ART3: variants seen among roughly 807,000 people sequenced by gnomAD.
ART3 encodes ecto-ADP-ribosyltransferase 3.
ART3 carries 49 observed loss-of-function variants against 48.5 expected under a neutral mutation model. That is an observed-to-expected ratio of 1.01 (90% CI 0.80 to 1.28). The LOEUF is 1.28. Ranked by LOEUF, ART3 falls within the 50% of genes most tolerant of loss-of-function variation. The pLI is 0.00. For missense variants in ART3, 438 were observed against 454.3 expected (o/e 0.96, Z 0.33); for synonymous variants, 145 against 157.2 (o/e 0.92, Z 0.58).
intron 1 of ART3, among the ~76,000 whole-genome samples, chr4:76,067,281 G>A (rs1719834130): frequency 6.6e-6 from 1 of 152,234 alleles, no homozygotes; most frequent in Admixed American, 6.5e-5. Context: ...CTTAGGGAAG[G>A]TAACTGGGGT....
chr4:76,109,735 G>C (rs1487447060), intron 11 of ART3, among the ~76,000 whole-genome samples: 1 of 152,116 alleles, frequency 6.6e-6, no homozygotes, highest in Admixed American at 6.6e-5. Context: ...TGGGATCTCT[G>C]TCATACATGT....
At chr4:76,032,342 G>T (rs990990143) in intron 1 of ART3, among the ~76,000 whole-genome samples, 1 of 151,630 alleles carries the variant, frequency 6.6e-6, no homozygotes, top group Admixed American at 6.6e-5. Flanking sequence ...AAGTAGCTGA[G>T]GTTACAGGCA....
intron 9 of ART3, among the ~76,000 whole-genome samples, 189 bp downstream of exon 9, chr4:76,104,158 C>G (rs1727958206): frequency 6.6e-6 from 1 of 152,132 alleles, no homozygotes; most frequent in Non-Finnish European, 1.5e-5. Context: ...TTCATGTGCT[C>G]CTGGAGCATT....
intron 3 of ART3, among the ~76,000 whole-genome samples, chr4:76,086,153 C>T (rs961567383): frequency 4.0e-5 from 6 of 151,688 alleles, no homozygotes; most frequent in African/African-American, 7.3e-5. Flanking sequence ...TTGAAATCAC[C>T]GCCTCATAAA....
At chr4:76,072,853 A>G (rs1720466056), upstream of ART3, among the ~76,000 whole-genome samples, 1 of 152,120 alleles carries the variant, frequency 6.6e-6, no homozygotes, top group Non-Finnish European at 1.5e-5. Flanking sequence ...GGGCTTTAGT[A>G]CGTGCTGTTC....
chr4:76,029,223 C>A (rs1733667674), intron 1 of ART3, among the ~76,000 whole-genome samples: 3 of 152,218 alleles, frequency 2.0e-5, no homozygotes, highest in South Asian at 4.2e-4. Context: ...TTTAGATTAT[C>A]ATTCAGTTTT....
intron 1 of ART3, among the ~76,000 whole-genome samples, chr4:76,029,180 T>C (rs1415357918): frequency 1.3e-5 from 2 of 152,254 alleles, no homozygotes; most frequent in Middle Eastern, 3.2e-3. Context: ...TCTTGAGATA[T>C]GATATAGTTC....
chr4:76,103,895 GATAAC>G (rs1308791314), intron 8 of ART3, 37 bp from the exon 9 acceptor site: 1 of 1,538,752 alleles, frequency 6.5e-7, no homozygotes, highest in South Asian at 1.1e-5. Context: ...AACAGTATAA[GATAAC>G]TGATTAATAC....
upstream of ART3, among the ~76,000 whole-genome samples, chr4:76,073,480 A>G (rs6532168): frequency 0.21 from 31,390 of 152,140 alleles, 5,522 homozygotes; most frequent in African/African-American, 0.48. Flanking sequence ...AGGTTGGAAC[A>G]TATCTCTATT....
intron 1 of ART3, among the ~76,000 whole-genome samples, chr4:76,059,359 C>CTTTT (rs1578364058): frequency 1.1e-5 from 1 of 92,124 alleles, no homozygotes; most frequent in Non-Finnish European, 2.2e-5. Flanking sequence ...GTTATTTTCT[C>CTTTT]TTGTTTTTTT....
chr4:76,064,360 G>T (rs761701978), intron 1 of ART3, among the ~76,000 whole-genome samples: 1 of 152,174 alleles, frequency 6.6e-6, no homozygotes, highest in Non-Finnish European at 1.5e-5. Context: ...AGTGAGGCAT[G>T]ATTTTAAGGG....
At chr4:76,034,584 G>A (rs368176267) in intron 1 of ART3, 14 of 584,756 alleles carry the variant, frequency 2.4e-5, no homozygotes, top group African/African-American at 2.0e-4. Context: ...AATTCTGATT[G>A]TCATTCATTC....
At chr4:76,109,794 T>C (rs1175666649) in intron 11 of ART3, among the ~76,000 whole-genome samples, 4 of 152,242 alleles carry the variant, frequency 2.6e-5, no homozygotes, top group African/African-American at 9.6e-5. Context: ...ACTGTACTAA[T>C]GCATGTGTGC....
At chr4:76,067,213 C>A (rs550981709) in intron 1 of ART3, among the ~76,000 whole-genome samples, 2 of 152,212 alleles carry the variant, frequency 1.3e-5, no homozygotes, top group Non-Finnish European at 2.9e-5. Flanking sequence ...ACAAAAGATT[C>A]TCTCCAGTTT....
intron 10 of ART3, among the ~76,000 whole-genome samples, chr4:76,105,228 C>A (rs1193582458): frequency 1.3e-5 from 2 of 152,170 alleles, no homozygotes; most frequent in African/African-American, 4.8e-5. Flanking sequence ...TGGGGTCTTG[C>A]TCATCTGGCT....
chr4:76,089,188 C>G (rs115556431), intron 3 of ART3, among the ~76,000 whole-genome samples: 1,796 of 152,280 alleles, frequency 0.012, 33 homozygotes, highest in East Asian at 0.06. Context: ...AGATTGTGTA[C>G]TATCTCATTT....
chr4:76,074,833 CTT>C lies in ART3; in HGVS notation c.-10+15_-10+16del, dbSNP rs1354941281. On this transcript the variant is annotated intron_variant, in intron 1 of 11. Coordinates refer to ENST00000355810, the MANE Select transcript of ART3 (RefSeq NM_001130016.3). ...CACAAAAGCCAGGTAAACCTTTTGA[CTT>C]ATTTACACTCAGACTAAAGAAATGA... is the stretch of plus-strand genomic sequence containing the variant. 1 of 152,142 alleles carries C rather than the reference CTT, an allele frequency of 6.6e-6. No individual in the cohort carries two copies. 9.4% of individuals were successfully genotyped at this position (152,142 alleles called of 1,614,324 possible).
At chr4:76,047,827 CA>C (rs1441364147) in intron 1 of ART3, among the ~76,000 whole-genome samples, 1 of 152,026 alleles carries the variant, frequency 6.6e-6, no homozygotes, top group African/African-American at 2.4e-5. Context: ...CTAACAGTGG[CA>C]TGACATCTCT....
intron 1 of ART3, among the ~76,000 whole-genome samples, chr4:76,026,732 A>G (rs1044915307): frequency 3.9e-5 from 6 of 152,240 alleles, no homozygotes; most frequent in African/African-American, 1.4e-4. Context: ...GAATGAATGA[A>G]TGCAGGAATG....
Sources: allele counts gnomAD v4.1 joint callset (sites outside exome capture counted in the v4.1 genomes callset), GRCh38; gene constraint gnomAD v4.1.1; transcripts MANE v1.5; gene names NCBI Gene and HGNC (gene_info 2026-07-23, HGNC 2026-07-21).